Variants in CRHBP observed in about 807,000 individuals in gnomAD.
CRHBP encodes corticotropin releasing hormone binding protein.
CRHBP carries 19 observed loss-of-function variants against 34.9 expected under a neutral mutation model. That is an observed-to-expected ratio of 0.55 (90% CI 0.38 to 0.80). CRHBP has a LOEUF of 0.80. CRHBP is among the 30% of genes least tolerant of loss of function. The pLI is 0.00. For synonymous variants in CRHBP, 154 were observed against 153.4 expected, an observed-to-expected ratio of 1.00 and a Z score of -0.03; for missense variants, 328 against 409.2, an observed-to-expected ratio of 0.80 and a Z score of 1.71.
At chr5:76,978,974 C>T (rs1746079489) in intron 3 of CRHBP, among the ~76,000 whole-genome samples, 1 of 152,144 alleles carries the variant, frequency 6.6e-6, no homozygotes, top group Admixed American at 6.5e-5. Context: ...ATGTGGCAAA[C>T]TCCATTGATG....
In CRHBP at chr5:76,969,325, CTATT is replaced by C. The variant is rs1444686088; in HGVS notation, c.*445_*448del. On this transcript the variant is annotated 3_prime_UTR_variant, in exon 7 of 7. Transcript: ENST00000274368. ...CAAAGTAGTTGCATCTGTTTATTTT[CTATT>C]TATTATTGTTACAATAGGTAATAGT... The C allele has an allele frequency of 1.3e-5, 2 of 153,450 alleles. No individual in the cohort carries two copies. The highest frequency in any genetic ancestry group is 1.9e-4 in the East Asian group (1 of 5,232). 9.5% of individuals were successfully genotyped at this position (153,450 alleles called of 1,614,324 possible).
intron 3 of CRHBP, among the ~76,000 whole-genome samples, chr5:76,955,157 T>G (rs1745649009): frequency 6.6e-6 from 1 of 152,224 alleles, no homozygotes; most frequent in African/African-American, 2.4e-5. Flanking sequence ...TGATGATATT[T>G]TTAAAAAATG....
At chr5:76,967,945 C>T (rs933574331) in intron 6 of CRHBP, among the ~76,000 whole-genome samples, 1 of 152,106 alleles carries the variant, frequency 6.6e-6, no homozygotes, top group Non-Finnish European at 1.5e-5. Flanking sequence ...GATCCACCCA[C>T]GTCGGCCTCC....
chr5:76,955,496 T>A (rs1745653990), intron 3 of CRHBP, among the ~76,000 whole-genome samples, 157 bp from the exon 4 acceptor site: 1 of 152,210 alleles, frequency 6.6e-6, no homozygotes, highest in South Asian at 2.1e-4. Flanking sequence ...CCATCCAATA[T>A]ATACAAATGA....
chr5:76,963,524 C>T, intron 6 of CRHBP, 64 bp downstream of exon 6: 1 of 1,394,032 alleles, frequency 7.2e-7, no homozygotes, highest in Admixed American at 1.9e-5. Flanking sequence ...AAGCACTCCC[C>T]TAATATTTTC....
At chr5:76,969,589 G>C (rs1745912809), downstream of CRHBP, 1 of 152,290 alleles carries the variant, frequency 6.6e-6, no homozygotes, top group African/African-American at 2.4e-5. Context: ...ACTTCTCAGA[G>C]CTAGAACTCT....
chr5:76,954,209 A>G (rs1745628775), intron 3 of CRHBP, 23 bp downstream of exon 3: 4 of 1,607,214 alleles, frequency 2.5e-6, no homozygotes, highest in African/African-American at 2.7e-5. Context: ...CGGCCAGCCA[A>G]CCTAGCCGGA....
At chr5:76,973,335 C>A (rs1745976650), downstream of CRHBP, among the ~76,000 whole-genome samples, 1 of 152,198 alleles carries the variant, frequency 6.6e-6, no homozygotes, top group Non-Finnish European at 1.5e-5. Flanking sequence ...CCATATGCAA[C>A]CTTTCCACAT....
intron 1 of CRHBP, 181 bp downstream of exon 1, chr5:76,953,396 G>C: frequency 1.2e-6 from 1 of 814,384 alleles, no homozygotes; most frequent in Non-Finnish European, 2.0e-6. Flanking sequence ...ATCCCAGACT[G>C]CCTGCCTGCC....
Position 76,953,646 on chromosome 5 carries a change from A to C in CRHBP, c.127A>C (p.Asn43His), listed in dbSNP as rs1745610833. 1 of 1,612,220 alleles carries C rather than the reference A, an allele frequency of 6.2e-7. No individual in the cohort carries two copies. Among genetic ancestry groups the C allele is most frequent in the Admixed American group, 1.7e-5 (1 of 59,854 alleles). Residue 43 changes from asparagine to histidine, a missense_variant, in exon 2 of 7, where the codon AAC becomes CAC. Physicochemically the swap from Asn to His is moderately conservative, Grantham distance 68. Around this residue, in one of 3 missense-constraint regions of CRHBP, gnomAD observed 173 missense variants for 172.2 expected, o/e 1.00. Coordinates refer to ENST00000274368, the MANE Select transcript of CRHBP (RefSeq NM_001882.4). ...DYDPFLLFSA[N>H]LKRELAGEQP... The stretch of plus-strand genomic sequence containing the variant: ...CGATCCTTTCCTGCTCTTCAGCGCC[A>C]ACCTGAAGCGGGAGCTGGCTGGGGA...
rs1469346422 is a variant in CRHBP, at chr5:76,968,860, G to T, written c.944G>T (p.Gly315Val). ...ELENPNGNSI[G>V]EFCLSGL ...GAAAACCCAAATGGAAACAGTATCGGGGAATTCTGTTTGTCTGGTCTTTGA... is the reference window on the plus strand; with the variant it reads ...GAAAACCCAAATGGAAACAGTATCGTGGAATTCTGTTTGTCTGGTCTTTGA... The change falls in exon 7 of 7, where the codon GGG (glycine) becomes GTG (valine). Residue 315 changes from glycine to valine, a missense_variant. Gly to Val is a moderately radical substitution (Grantham distance 109). Coordinates refer to ENST00000274368, the MANE Select transcript of CRHBP (RefSeq NM_001882.4). 1 of 1,613,870 alleles carries T rather than the reference G, an allele frequency of 6.2e-7. No homozygotes were observed. Among genetic ancestry groups the T allele is most frequent in the Non-Finnish European group, 8.5e-7 (1 of 1,179,918 alleles).
intron 3 of CRHBP, among the ~76,000 whole-genome samples, chr5:76,978,508 T>A (rs557966431): frequency 1.3e-5 from 2 of 151,728 alleles, no homozygotes; most frequent in Non-Finnish European, 2.9e-5. Context: ...TACTGGATAT[T>A]TGAACCTGAC....
intron 4 of CRHBP, 117 bp from the exon 5 acceptor site, chr5:76,958,624 C>A: frequency 8.5e-7 from 1 of 1,181,010 alleles, no homozygotes; most frequent in Non-Finnish European, 1.2e-6. Context: ...TGCTCTCTTC[C>A]TGGGCAGAAG....
chr5:76,957,209 A>G (rs1745685865), intron 4 of CRHBP, among the ~76,000 whole-genome samples: 1 of 152,172 alleles, frequency 6.6e-6, no homozygotes, highest in South Asian at 2.1e-4. Flanking sequence ...TAAAAAAAGA[A>G]ACTTCCTAGA....
At position 76,954,084 on chromosome 5, in the gene CRHBP, G is replaced by A. The variant is rs148007437; in HGVS notation, c.231G>A (p.Pro77=). 6.2e-7 allele frequency: 1 copy of A among 1,613,908 alleles called. No homozygotes were observed. Among genetic ancestry groups the A allele is most frequent in the South Asian group, 1.1e-5 (1 of 91,082 alleles). Residue 77 remains proline, a synonymous_variant, in exon 3 of 7, where the codon CCG becomes CCA. Transcript: ENST00000274368. ...QGQFTFTADR[P]QLHCAAFFIS... ...AGTTCACCTTCACCGCCGACCGGCC[G>A]CAGCTGCACTGCGCAGCCTTCTTCA... is the stretch of plus-strand genomic sequence containing the variant.
chr5:76,978,532 T>C (rs978201464), intron 3 of CRHBP, among the ~76,000 whole-genome samples: 2 of 126,634 alleles, frequency 1.6e-5, no homozygotes, highest in Non-Finnish European at 3.2e-5. Flanking sequence ...TGAGACTTAC[T>C]GCTGAGAAAA....
chr5:76,959,026 T>C, intron 5 of CRHBP, 137 bp downstream of exon 5: 1 of 858,042 alleles, frequency 1.2e-6, no homozygotes, highest in Non-Finnish European at 1.7e-6. Flanking sequence ...ATCTCAAATG[T>C]GTTTGCCCTA....
At chr5:76,958,145 CAA>C (rs1745718738) in intron 4 of CRHBP, among the ~76,000 whole-genome samples, 1 of 150,086 alleles carries the variant, frequency 6.7e-6, no homozygotes, top group Non-Finnish European at 1.5e-5. Context: ...GGTGACAGAG[CAA>C]GATTCCATCT....
At chr5:76,970,339 CAT>C (rs906268824), downstream of CRHBP, among the ~76,000 whole-genome samples, 1 of 151,924 alleles carries the variant, frequency 6.6e-6, no homozygotes, top group African/African-American at 2.4e-5. Flanking sequence ...GTTCCTGAAA[CAT>C]ATTTAATATG....
Sources: gnomAD v4.1 joint callset for allele counts (sites outside exome capture counted in the v4.1 genomes callset) on GRCh38, gnomAD v4.1.1 for gene constraint, gnomAD v4.1.1 regional missense constraint, MANE v1.5 for transcripts, NCBI Gene and HGNC (gene_info 2026-07-23, HGNC 2026-07-21) for gene names.